The following ZNF385D variants were observed in gnomAD, a reference collection of about 807,000 sequenced individuals.
The protein encoded by ZNF385D is zinc finger protein 385D.
ZNF385D carries 15 observed loss-of-function variants against 35.8 expected under a neutral mutation model. That is an observed-to-expected ratio of 0.42 (90% CI 0.28 to 0.64). The LOEUF (loss-of-function observed/expected upper bound fraction) is 0.64, where lower values mean the gene tolerates loss of function less well. Among genes scored for constraint, ZNF385D ranks in the 30% least tolerant of loss-of-function variants. ZNF385D has a pLI of 0.23. For synonymous variants in ZNF385D, 212 were observed against 186.8 expected, an observed-to-expected ratio of 1.13 and a Z score of -1.10; for missense variants, 474 against 494.6, an observed-to-expected ratio of 0.96 and a Z score of 0.39.
chr3:22,277,587 C>T (rs1472846665), intron 2 of ZNF385D, among the ~76,000 whole-genome samples: 1 of 152,058 alleles, frequency 6.6e-6, no homozygotes, highest in South Asian at 2.1e-4. Flanking sequence ...TTATAAGACT[C>T]TAGAAATGCA....
intron 3 of ZNF385D, among the ~76,000 whole-genome samples, chr3:21,982,079 G>GTTTTTTTTTTTT (rs59719489): frequency 7.5e-6 from 1 of 133,254 alleles, no homozygotes; most frequent in African/African-American, 2.9e-5. Flanking sequence ...TTTTAAAATA[G>GTTTTTTTTTTTT]TTTTTTTTTT....
chr3:22,173,252 G>A (rs1694588757), intron 2 of ZNF385D, among the ~76,000 whole-genome samples: 1 of 152,090 alleles, frequency 6.6e-6, no homozygotes, highest in Admixed American at 6.5e-5. Flanking sequence ...ATCCTGGATG[G>A]GGCCTTGAAA....
At chr3:21,966,482 G>T (rs1331430867) in intron 3 of ZNF385D, among the ~76,000 whole-genome samples, 2 of 152,120 alleles carry the variant, frequency 1.3e-5, no homozygotes, top group African/African-American at 4.8e-5. Context: ...TCCAGCAGAG[G>T]CTTTATAATC....
At chr3:22,060,187 G>C (rs767375369) in intron 3 of ZNF385D, among the ~76,000 whole-genome samples, 4 of 152,088 alleles carry the variant, frequency 2.6e-5, no homozygotes, top group Non-Finnish European at 5.9e-5. Context: ...TGGCTTTCTT[G>C]AGTCTCTAGC....
chr3:22,026,092 T>C (rs900939971), intron 3 of ZNF385D, among the ~76,000 whole-genome samples: 2 of 151,882 alleles, frequency 1.3e-5, no homozygotes, highest in Admixed American at 6.6e-5. Flanking sequence ...TTGCTAGAGG[T>C]TGACATTGAT....
chr3:21,762,770 G>T (rs901950883), intron 3 of ZNF385D, among the ~76,000 whole-genome samples: 1 of 152,108 alleles, frequency 6.6e-6, no homozygotes, highest in African/African-American at 2.4e-5. Flanking sequence ...CAAGGTTTTG[G>T]CCCTTGGTCG....
intron 3 of ZNF385D, among the ~76,000 whole-genome samples, chr3:22,166,963 G>A (rs375658656): frequency 6.6e-6 from 1 of 152,224 alleles, no homozygotes; most frequent in African/African-American, 2.4e-5. Context: ...TAACAATAAG[G>A]AGTAGATTTT....
intron 2 of ZNF385D, among the ~76,000 whole-genome samples, chr3:22,242,773 T>G (rs1699568388): frequency 6.6e-6 from 1 of 151,154 alleles, no homozygotes; most frequent in African/African-American, 2.4e-5. Context: ...TTTTAATATT[T>G]TAGTTTTGAA....
At chr3:21,980,701 T>C (rs1694383738) in intron 3 of ZNF385D, among the ~76,000 whole-genome samples, 1 of 152,142 alleles carries the variant, frequency 6.6e-6, no homozygotes, top group Non-Finnish European at 1.5e-5. Flanking sequence ...ATCTTTGCTG[T>C]TCCTATCCCT....
intron 3 of ZNF385D, among the ~76,000 whole-genome samples, chr3:21,947,559 C>T (rs963751939): frequency 4.6e-5 from 7 of 152,100 alleles, no homozygotes; most frequent in Non-Finnish European, 1.0e-4. Context: ...ACTGTGTTGG[C>T]CAGTCTGGTC....
At chr3:21,556,448 C>T (rs529927502) in intron 3 of ZNF385D, among the ~76,000 whole-genome samples, 12 of 152,204 alleles carry the variant, frequency 7.9e-5, no homozygotes, top group Admixed American at 1.3e-4. Flanking sequence ...TATGGTTAGC[C>T]AGTTTTCTCA....
rs201938963 is a variant in ZNF385D, at chr3:21,816,535, AACAG to A, written c.326-151511_326-151508del. 5.2e-3 allele frequency among the ~76,000 whole-genome samples: 796 copies of A among 152,302 alleles called. 6 individuals carry two copies. Among genetic ancestry groups the A allele is most frequent in the African/African-American group, 0.017 (714 of 41,568 alleles). ...ATCACAAGCATTCCTATGCACCAAT[AACAG>A]ACAGAGAGCCAAATCATGAAATCAT... On this transcript the variant is annotated intron_variant, in intron 3 of 5. Coordinates refer to the ZNF385D transcript ENST00000494108.
At chr3:21,970,683 A>T (rs1000031971) in intron 3 of ZNF385D, among the ~76,000 whole-genome samples, 2 of 152,232 alleles carry the variant, frequency 1.3e-5, no homozygotes, top group Non-Finnish European at 2.9e-5. Flanking sequence ...CCAAACCTAG[A>T]GAAAAACATC....
chr3:22,147,586 G>A (rs1704942330), intron 3 of ZNF385D, among the ~76,000 whole-genome samples: 1 of 152,130 alleles, frequency 6.6e-6, no homozygotes, highest in African/African-American at 2.4e-5. Context: ...AATATCATAT[G>A]CTTACTATGT....
chr3:21,450,931 C>T (rs1293746254), intron 4 of ZNF385D, among the ~76,000 whole-genome samples: 1 of 152,096 alleles, frequency 6.6e-6, no homozygotes, highest in Non-Finnish European at 1.5e-5. Context: ...AATGTTTCCT[C>T]AGCCTGGAAG....
chr3:21,944,032 A>T (rs1701659693), intron 3 of ZNF385D, among the ~76,000 whole-genome samples: 1 of 152,200 alleles, frequency 6.6e-6, no homozygotes, highest in African/African-American at 2.4e-5. Flanking sequence ...TAAGTCTATG[A>T]TTAAGAAAAT....
At chr3:21,715,667 A>G (rs867841354) in intron 1 of ZNF385D, among the ~76,000 whole-genome samples, 1 of 152,212 alleles carries the variant, frequency 6.6e-6, no homozygotes, top group Middle Eastern at 3.4e-3. Flanking sequence ...AGTTCTTAAG[A>G]AATCCACATA....
At position 22,059,570 on chromosome 3, in the gene ZNF385D, G is replaced by GAATGT. The variant is rs1699587236; in HGVS notation, c.325+109242_325+109246dup. 2.0e-5 allele frequency among the ~76,000 whole-genome samples: 3 copies of GAATGT among 152,272 alleles called. No individual in the cohort carries two copies. In the South Asian group the frequency reaches 6.2e-4, roughly 32 times the overall value. On this transcript the variant is annotated intron_variant, in intron 3 of 5. Transcript: ENST00000494108. ...GGGTTGGTGGTGGTGGTGGTGAGTG[G>GAATGT]AATGTATACAAAGTTGTGAATCTGG...
intron 3 of ZNF385D, among the ~76,000 whole-genome samples, chr3:21,814,362 A>T (rs553507783): frequency 6.6e-6 from 1 of 152,328 alleles, no homozygotes; most frequent in African/African-American, 2.4e-5. Context: ...TTAACCTTAC[A>T]TGTAAATGGG....
Sources: gnomAD v4.1 joint callset for allele counts (sites outside exome capture counted in the v4.1 genomes callset) on GRCh38, gnomAD v4.1.1 for gene constraint, MANE v1.5 for transcripts, NCBI Gene and HGNC (gene_info 2026-07-23, HGNC 2026-07-21) for gene names.